MSH6: variants seen among roughly 807,000 people sequenced by gnomAD.
The protein encoded by MSH6 is DNA mismatch repair protein Msh6.
Under a neutral mutation model 119.1 loss-of-function variants are expected in MSH6, and 85 were observed. The observed-to-expected ratio is 0.71, with a 90% confidence interval of 0.60 to 0.85. MSH6 has a LOEUF of 0.85. Ranked by LOEUF, MSH6 falls within the 40% of genes least tolerant of loss-of-function variation. MSH6 has a pLI of 0.00. For missense variants in MSH6, 2,163 were observed against 1,655.3 expected (o/e 1.31, Z -5.32); for synonymous variants, 830 against 586.9 (o/e 1.41, Z -5.99).
Position 47,800,406 on chromosome 2 carries a change from T to C in MSH6, c.2423T>C (p.Val808Ala). The change falls in exon 4 of 10, where the codon GTT (valine) becomes GCT (alanine). Residue 808 changes from valine (V) to alanine (A), a missense_variant. Physicochemically the swap from Val to Ala is moderately conservative, Grantham distance 64 (BLOSUM62 0). Coordinates refer to ENST00000234420, the MANE Select transcript of MSH6 (RefSeq NM_000179.3). The stretch of plus-strand genomic sequence containing the variant: ...GTTGTGCCTGACAAAATCTCCGAAG[T>C]TGTAGAGCTTCTAAAGAAGCTTCCA... The part of the protein sequence containing the change: ...LMVVPDKISE[V>A]VELLKKLPDL... 2 of 1,614,112 alleles carry C rather than the reference T, an allele frequency of 1.2e-6. No individual in the cohort carries two copies. The highest frequency in any genetic ancestry group is 1.7e-6 in the Non-Finnish European group (2 of 1,180,026).
intron 4 of MSH6, 43 bp from the exon 5 acceptor site, chr2:47,803,376 AC>A: frequency 6.2e-7 from 1 of 1,613,636 alleles, no homozygotes. Context: ...GGCTGATAAA[AC>A]CCCCAAACGA....
intron 1 of MSH6, among the ~76,000 whole-genome samples, chr2:47,788,939 T>TTTTTTTTTGTTTTG (rs1668558137): frequency 1.9e-5 from 2 of 107,256 alleles, no homozygotes; most frequent in Non-Finnish European, 3.7e-5. Flanking sequence ...TTTTTTTTTT[T>TTTTTTTTTGTTTTG]TTTTTTTTGT....
rs555009037 is a variant in MSH6 at position 47,795,438 on chromosome 2, G to GTGTT, written c.458-453_458-452insTTGT. Among the ~76,000 whole-genome samples, 25 of 150,440 alleles carry GTGTT rather than the reference G, an allele frequency of 1.7e-4. No individual in the cohort carries two copies. In the South Asian group the frequency reaches 5.1e-3, roughly 31 times the overall value. On this transcript the variant is annotated intron_variant, in intron 2 of 9. Coordinates refer to ENST00000234420, the MANE Select transcript of MSH6 (RefSeq NM_000179.3). ...AGTTATTTTATGTGTGTGTGTGTGT[G>GTGTT]TGTGTGTGTGTATACATATATACAT...
chr2:47,801,712 A>C lies in MSH6; in HGVS notation c.3172+557A>C, dbSNP rs185203893. On this transcript the variant is annotated intron_variant, in intron 4 of 9. Coordinates refer to ENST00000234420, the MANE Select transcript of MSH6 (RefSeq NM_000179.3). ...AATCGAACAAAAGGTTTTTGTTTTT[A>C]GACAGTGTCTTGCTCTGTTACCCAG... is the stretch of plus-strand genomic sequence containing the variant. 2.6e-5 allele frequency among the ~76,000 whole-genome samples: 4 copies of C among 152,090 alleles called. No individual in the cohort carries two copies. The East Asian group carries it at 7.7e-4, about 29-fold the overall frequency.
rs1669391012 is a variant in MSH6 at position 47,799,889 on chromosome 2, A to C, written c.1906A>C (p.Thr636Pro). Residue 636 changes from threonine to proline, a missense_variant, in exon 4 of 10, where the codon ACT becomes CCT. Thr to Pro is a conservative substitution (Grantham distance 38). Coordinates refer to ENST00000234420, the MANE Select transcript of MSH6 (RefSeq NM_000179.3). ...TTGGGATGCATCCAAAACTTTGAGAACTCTCCTTGAGGAAGAATATTTTAG... is the reference window on the plus strand; with the variant it reads ...TTGGGATGCATCCAAAACTTTGAGACCTCTCCTTGAGGAAGAATATTTTAG... ...QFWDASKTLRTLLEEEYFREK... is the reference protein window; with the variant it reads ...QFWDASKTLRPLLEEEYFREK... 1 of 1,614,048 alleles carries C rather than the reference A, an allele frequency of 6.2e-7. No homozygotes were observed. Among genetic ancestry groups the C allele is most frequent in the Non-Finnish European group, 8.5e-7 (1 of 1,180,012 alleles).
chr2:47,790,828 T>G, intron 1 of MSH6, 99 bp from the exon 2 acceptor site: 3 of 1,085,184 alleles, frequency 2.8e-6, no homozygotes, highest in Non-Finnish European at 4.2e-6. Flanking sequence ...TGCTTCAATA[T>G]TAATGCCAGA....
chr2:47,801,949 G>C (rs1208133861), intron 4 of MSH6, among the ~76,000 whole-genome samples: 2 of 152,052 alleles, frequency 1.3e-5, no homozygotes, highest in African/African-American at 4.8e-5. Context: ...CGGCCCAAAA[G>C]ATTTTTAAAT....
chr2:47,788,913 T>TTTTTTTTG (rs1558650161), intron 1 of MSH6, among the ~76,000 whole-genome samples: 6 of 55,292 alleles, frequency 1.1e-4, no homozygotes, highest in African/African-American at 3.5e-4. Flanking sequence ...CTTCCTTTTT[T>TTTTTTTTG]TTTTTTTTGT....
rs1422865375 is a variant in MSH6 at position 47,799,599 on chromosome 2, T to A, written c.1616T>A (p.Leu539His). The A allele has an allele frequency of 6.2e-7, 1 of 1,614,200 alleles. No homozygotes were observed. The highest frequency in any genetic ancestry group is 1.7e-5 in the Admixed American group (1 of 60,012). ...CCCTCTGAGAACTACAGTAAGTATC[T>A]TCTTAGCCTCAAAGAAAAAGAGGAA... is the stretch of plus-strand genomic sequence containing the variant. ...GDPSENYSKYLLSLKEKEEDS... is the reference protein window; with the variant it reads ...GDPSENYSKYHLSLKEKEEDS... The change falls in exon 4 of 10, where the codon CTT (leucine) becomes CAT (histidine). Residue 539 changes from leucine (L) to histidine (H), a missense_variant. Transcript: ENST00000234420.
chr2:47,793,318 C>CTCAAAAAAAAAAAAAA (rs1441753856), intron 2 of MSH6, among the ~76,000 whole-genome samples: 3 of 48,812 alleles, frequency 6.1e-5, no homozygotes, highest in Admixed American at 3.6e-4. Flanking sequence ...GAGACTGTCT[C>CTCAAAAAAAAAAAAAA]AAAAAAAAAA....
At chr2:47,792,687 A>G (rs1668809313) in intron 2 of MSH6, among the ~76,000 whole-genome samples, 1 of 151,872 alleles carries the variant, frequency 6.6e-6, no homozygotes, top group African/African-American at 2.4e-5. Flanking sequence ...TTTTCAAGAG[A>G]TGGGGGTCTC....
chr2:47,794,319 T>C (rs185767775), intron 2 of MSH6, among the ~76,000 whole-genome samples: 16 of 152,236 alleles, frequency 1.1e-4, no homozygotes, highest in Admixed American at 8.5e-4. Context: ...TCACCCAGGC[T>C]GGAGTGCAAT....
At chr2:47,809,080 C>T, downstream of MSH6, 4 of 894,560 alleles carry the variant, frequency 4.5e-6, no homozygotes, top group Non-Finnish European at 3.5e-6. Flanking sequence ...GGCAAATAGC[C>T]AAAAATGCTA....
intron 1 of MSH6, among the ~76,000 whole-genome samples, chr2:47,789,091 A>T (rs1162457094): frequency 2.0e-5 from 3 of 146,442 alleles, no homozygotes; most frequent in African/African-American, 7.6e-5. Context: ...GCACTTGGCT[A>T]ATTTTTGTAT....
chr2:47,808,431 A>G, downstream of MSH6: 1 of 1,577,172 alleles, frequency 6.3e-7, no homozygotes, highest in Non-Finnish European at 8.6e-7. Context: ...ATGACATCTA[A>G]AAAGCAAAAG....
rs758614117 is a variant in MSH6, at chr2:47,806,369, A to ATTGT, written c.3801+14_3801+17dup. 2 of 1,613,898 alleles carry ATTGT rather than the reference A, an allele frequency of 1.2e-6. No homozygotes were observed. Among genetic ancestry groups the ATTGT allele is most frequent in the African/African-American group, 2.7e-5 (2 of 74,900 alleles). ...CGCCTAGGACATATGGTATGTGCAAATTGTTTTTTTCCACAAATTCGGTTT... is the reference window on the plus strand; with the variant it reads ...CGCCTAGGACATATGGTATGTGCAAATTGTTTGTTTTTTTCCACAAATTCGGTTT... On this transcript the variant is annotated intron_variant, in intron 8 of 9. Transcript: ENST00000234420.
At chr2:47,808,406 T>A, downstream of MSH6, 1 of 1,602,798 alleles carries the variant, frequency 6.2e-7, no homozygotes, top group Non-Finnish European at 8.5e-7. Context: ...CATTTCGATC[T>A]GTGGTGTTAC....
intron 1 of MSH6, among the ~76,000 whole-genome samples, chr2:47,786,678 T>C (rs1668370860): frequency 6.6e-6 from 1 of 152,172 alleles, no homozygotes; most frequent in African/African-American, 2.4e-5. Flanking sequence ...GTTTGTCATT[T>C]AGATTTCTTC....
At chr2:47,809,468 G>A (rs1272051025), downstream of MSH6, 5 of 744,926 alleles carry the variant, frequency 6.7e-6, no homozygotes, top group Non-Finnish European at 1.1e-5. Flanking sequence ...CCAAAGCTCT[G>A]TTTCTTTCAA....
Sources: gnomAD v4.1 joint callset for allele counts (sites outside exome capture counted in the v4.1 genomes callset) on GRCh38, gnomAD v4.1.1 for gene constraint, MANE v1.5 for transcripts, NCBI Gene and HGNC (gene_info 2026-07-23, HGNC 2026-07-21) for gene names.